FNDC3B: variants seen among roughly 807,000 people sequenced by gnomAD.
FNDC3B encodes the protein fibronectin type III domain-containing protein 3B.
Under a neutral mutation model 151.5 loss-of-function variants are expected in FNDC3B, and 12 were observed. That is an observed-to-expected ratio of 0.08 (90% CI 0.05 to 0.13). FNDC3B has a LOEUF of 0.13. Ranked by LOEUF, FNDC3B falls within the 10% of genes least tolerant of loss-of-function variation. FNDC3B has a pLI of 1.00. For missense variants in FNDC3B, 1,214 were observed against 1,505.3 expected (o/e 0.81, Z 3.20); for synonymous variants, 528 against 549.0 (o/e 0.96, Z 0.54).
intron 6 of FNDC3B, among the ~76,000 whole-genome samples, chr3:172,280,854 A>G (rs1194202440): frequency 6.6e-6 from 1 of 152,228 alleles, no homozygotes; most frequent in Non-Finnish European, 1.5e-5. Flanking sequence ...TAAATTTCAC[A>G]TGACACATCT....
chr3:172,238,655 T>A (rs979961542), intron 4 of FNDC3B, among the ~76,000 whole-genome samples: 2 of 152,166 alleles, frequency 1.3e-5, no homozygotes, highest in African/African-American at 4.8e-5. Flanking sequence ...ACGTTTCAAA[T>A]CTCTACCCTA....
chr3:172,221,279 C>CA (rs1726265137), intron 3 of FNDC3B, among the ~76,000 whole-genome samples: 1 of 152,090 alleles, frequency 6.6e-6, no homozygotes, highest in Admixed American at 6.5e-5. Flanking sequence ...CTTTTTCTTG[C>CA]CTAATTGTTC....
intron 4 of FNDC3B, among the ~76,000 whole-genome samples, chr3:172,229,137 A>AT (rs1726757154): frequency 8.5e-6 from 1 of 118,094 alleles, no homozygotes; most frequent in Non-Finnish European, 1.8e-5. Flanking sequence ...ACACACACAC[A>AT]ATCTCCTGCA....
intron 5 of FNDC3B, among the ~76,000 whole-genome samples, chr3:172,250,250 A>T (rs1161862642): frequency 6.6e-6 from 1 of 152,182 alleles, no homozygotes; most frequent in East Asian, 1.9e-4. Flanking sequence ...GTGACATTCT[A>T]CATTTGTCTT....
chr3:172,055,983 A>G (rs898274789), intron 1 of FNDC3B, among the ~76,000 whole-genome samples: 3 of 151,990 alleles, frequency 2.0e-5, no homozygotes, highest in Non-Finnish European at 2.9e-5. Flanking sequence ...GGGTTTCACC[A>G]TGTTAGCCAG....
intron 11 of FNDC3B, among the ~76,000 whole-genome samples, chr3:172,324,451 T>C (rs1208645661): frequency 6.6e-6 from 1 of 152,192 alleles, no homozygotes; most frequent in Non-Finnish European, 1.5e-5. Context: ...AACACTCAGC[T>C]TGGGAAAGGA....
At chr3:172,206,483 AC>A (rs1456658891) in intron 3 of FNDC3B, among the ~76,000 whole-genome samples, 2 of 151,954 alleles carry the variant, frequency 1.3e-5, no homozygotes, top group East Asian at 3.9e-4. Flanking sequence ...ACATGGCAAA[AC>A]CCTGTCTCTA....
At chr3:172,313,427 A>G (rs1486240324) in intron 11 of FNDC3B, among the ~76,000 whole-genome samples, 2 of 152,208 alleles carry the variant, frequency 1.3e-5, no homozygotes, top group Non-Finnish European at 1.5e-5. Context: ...GCTTGTGTGC[A>G]TTTACATTAT....
chr3:172,321,196 G>A (rs1732063472), intron 11 of FNDC3B, among the ~76,000 whole-genome samples: 1 of 152,158 alleles, frequency 6.6e-6, no homozygotes, highest in Non-Finnish European at 1.5e-5. Context: ...TGTGGTTTTA[G>A]GCTATGTCAT....
intron 3 of FNDC3B, among the ~76,000 whole-genome samples, chr3:172,174,933 A>ACCCC (rs1269639185): frequency 5.5e-5 from 1 of 18,318 alleles, no homozygotes; most frequent in African/African-American, 1.7e-4. Context: ...TCCCCCCGCC[A>ACCCC]CCCCCCCCCC....
At chr3:172,085,069 G>A (rs1576848033) in intron 1 of FNDC3B, among the ~76,000 whole-genome samples, 2 of 152,286 alleles carry the variant, frequency 1.3e-5, no homozygotes, top group Middle Eastern at 6.8e-3. Context: ...GGTGCTACAA[G>A]GTGATGAGAT....
chr3:172,211,393 T>A (rs1306788115), intron 3 of FNDC3B, among the ~76,000 whole-genome samples: 28 of 152,312 alleles, frequency 1.8e-4, no homozygotes, highest in Non-Finnish European at 7.3e-5. Flanking sequence ...CTGGACTTAT[T>A]TCTGAATTTG....
At chr3:172,108,187 A>T (rs570825821) in intron 1 of FNDC3B, among the ~76,000 whole-genome samples, 2 of 139,404 alleles carry the variant, frequency 1.4e-5, no homozygotes, top group Non-Finnish European at 3.0e-5. Context: ...AAAAAAAAAA[A>T]GTAGAGGTGG....
At chr3:172,274,356 G>A (rs1729341765) in intron 6 of FNDC3B, among the ~76,000 whole-genome samples, 3 of 152,068 alleles carry the variant, frequency 2.0e-5, no homozygotes, top group South Asian at 4.2e-4. Context: ...TGATCTCCCC[G>A]CCTTACCCTT....
chr3:172,210,492 ACAT>A (rs1450668471), intron 3 of FNDC3B, among the ~76,000 whole-genome samples: 1 of 152,098 alleles, frequency 6.6e-6, no homozygotes, highest in African/African-American at 2.4e-5. Flanking sequence ...CAAGTGTGTG[ACAT>A]CATGTCTGGC....
chr3:172,082,036 G>A (rs1259111209), intron 1 of FNDC3B, among the ~76,000 whole-genome samples: 2 of 152,150 alleles, frequency 1.3e-5, no homozygotes, highest in Non-Finnish European at 2.9e-5. Flanking sequence ...CTTAATTATG[G>A]ATTAGGTTCA....
rs1471292761 is a variant in FNDC3B, at chr3:172,307,290, G to A, written c.1062-73G>A. 78 of 1,493,508 alleles carry A rather than the reference G, an allele frequency of 5.2e-5. 2 individuals carry two copies. The Admixed American group carries it at 7.4e-4, about 14-fold the overall frequency. The allele number at this position is 1,493,508 out of a possible 1,614,324, so 92.5% of individuals were successfully genotyped here. On this transcript the variant is annotated intron_variant, in intron 9 of 25. Transcript: ENST00000415807. The stretch of plus-strand genomic sequence containing the variant: ...TCTGTTCATCTACAGAAAGCCTTAG[G>A]GTGAAACAAAGATAAGAATCCTGGT...
At chr3:172,258,171 C>T (rs183602558) in intron 6 of FNDC3B, among the ~76,000 whole-genome samples, 65 of 152,154 alleles carry the variant, frequency 4.3e-4, no homozygotes, top group African/African-American at 1.4e-3. Flanking sequence ...AGAAAATGAA[C>T]GTACAGCATA....
intron 3 of FNDC3B, among the ~76,000 whole-genome samples, chr3:172,158,296 A>G (rs1237515341): frequency 1.1e-4 from 17 of 152,158 alleles, no homozygotes. Context: ...GTACTATTTT[A>G]TGTTTCTATC....
Sources: gnomAD v4.1 joint callset for allele counts (sites outside exome capture counted in the v4.1 genomes callset) on GRCh38, gnomAD v4.1.1 for gene constraint, MANE v1.5 for transcripts, NCBI Gene and HGNC (gene_info 2026-07-23, HGNC 2026-07-21) for gene names.